The following ZPBP variants were observed in gnomAD, a reference collection of about 807,000 sequenced individuals.
ZPBP encodes zona pellucida-binding protein 1.
A neutral mutation model predicts 44.8 loss-of-function variants in ZPBP; 26 were observed. The observed-to-expected ratio is 0.58, with a 90% CI of 0.43 to 0.81. The LOEUF is 0.81. ZPBP is among the 30% of genes least tolerant of loss of function. ZPBP has a pLI of 0.00. For synonymous variants in ZPBP, 174 were observed against 153.2 expected, an observed-to-expected ratio of 1.14 and a Z score of -1.00; for missense variants, 409 against 434.0, an observed-to-expected ratio of 0.94 and a Z score of 0.51.
chr7:50,002,716 AG>A (rs954459185), intron 6 of ZPBP, among the ~76,000 whole-genome samples: 1 of 152,198 alleles, frequency 6.6e-6, no homozygotes. Flanking sequence ...CTTAGAAGTA[AG>A]GAATAATTAG....
intron 3 of ZPBP, among the ~76,000 whole-genome samples, chr7:50,067,378 G>A (rs954802156): frequency 1.3e-5 from 2 of 151,938 alleles, no homozygotes; most frequent in Non-Finnish European, 2.9e-5. Flanking sequence ...TCATGAACAT[G>A]CAAAGCAGCA....
intron 6 of ZPBP, among the ~76,000 whole-genome samples, chr7:50,011,458 C>G (rs1290296787): frequency 6.6e-6 from 1 of 152,138 alleles, no homozygotes; most frequent in Admixed American, 6.6e-5. Flanking sequence ...AAAATATTTA[C>G]TATGTGGTCC....
chr7:49,957,229 T>C (rs935794289), intron 7 of ZPBP, among the ~76,000 whole-genome samples: 3 of 152,236 alleles, frequency 2.0e-5, no homozygotes, highest in Non-Finnish European at 2.9e-5. Flanking sequence ...TTCTGTTCTT[T>C]ATAAATTACA....
chr7:50,021,553 A>G (rs1799092308), intron 5 of ZPBP, among the ~76,000 whole-genome samples: 1 of 152,142 alleles, frequency 6.6e-6, no homozygotes, highest in Non-Finnish European at 1.5e-5. Context: ...ACCACCATAT[A>G]CATGATGGGA....
At chr7:50,033,517 G>A (rs1005964546) in intron 4 of ZPBP, among the ~76,000 whole-genome samples, 1 of 152,014 alleles carries the variant, frequency 6.6e-6, no homozygotes, top group African/African-American at 2.4e-5. Context: ...GGGACTTCAA[G>A]AAAAGAATTC....
In ZPBP at chr7:49,949,170, G is replaced by C. The variant is rs1425452015; in HGVS notation, c.962-11548C>G. On this transcript the variant is annotated intron_variant, in intron 7 of 7. Coordinates refer to ENST00000046087, the MANE Select transcript of ZPBP (RefSeq NM_007009.3). Reference sequence around the variant, plus strand: ...GAAGGTGGCTGTCTGAAATCAAGAAGAGAGCCCTCTCCAGAAACTGATCTT... The same window carrying C: ...GAAGGTGGCTGTCTGAAATCAAGAACAGAGCCCTCTCCAGAAACTGATCTT... Among the ~76,000 whole-genome samples, 36 of 152,130 alleles carry C rather than the reference G, an allele frequency of 2.4e-4. 1 individual carries two copies. The highest frequency in any genetic ancestry group is 4.7e-4 in the Non-Finnish European group (32 of 67,998).
intron 2 of ZPBP, among the ~76,000 whole-genome samples, chr7:49,887,658 C>T (rs1237825802): frequency 2.0e-5 from 3 of 148,130 alleles, no homozygotes; most frequent in Non-Finnish European, 4.4e-5. Flanking sequence ...TAAAATAAGC[C>T]CTTCTAAAAT....
chr7:49,909,734 A>T (rs1323950138), intron 1 of ZPBP, among the ~76,000 whole-genome samples: 1 of 152,138 alleles, frequency 6.6e-6, no homozygotes, highest in Non-Finnish European at 1.5e-5. Context: ...CAGATGAATG[A>T]TTGTTGGGTT....
chr7:50,078,806 CTA>C (rs1802227620), intron 3 of ZPBP, among the ~76,000 whole-genome samples: 2 of 151,526 alleles, frequency 1.3e-5, no homozygotes, highest in South Asian at 4.2e-4. Context: ...TGTTTGCAAA[CTA>C]TGCCTCCCAT....
chr7:49,896,627 C>T (rs1792395538), intron 2 of ZPBP, among the ~76,000 whole-genome samples: 1 of 151,600 alleles, frequency 6.6e-6, no homozygotes, highest in Non-Finnish European at 1.5e-5. Flanking sequence ...AAAAGATCAA[C>T]AATTAAACAC....
At chr7:49,981,301 ATATAATTATATATTATATAATATATAT>A (rs1562818915) in intron 7 of ZPBP, among the ~76,000 whole-genome samples, 9 of 61,494 alleles carry the variant, frequency 1.5e-4, no homozygotes, top group Non-Finnish European at 3.0e-4. Context: ...TATATATTAT[ATATAATTATATATTATATAATATATAT>A]TATAATTATA....
the ZPBP span, among the ~76,000 whole-genome samples, chr7:49,840,935 T>G: frequency 6.6e-6 from 1 of 152,178 alleles, no homozygotes; most frequent in Non-Finnish European, 1.5e-5. Flanking sequence ...TGGGTTAACA[T>G]GAGTGACTTG....
chr7:49,842,024 G>A, the ZPBP span, among the ~76,000 whole-genome samples: 2 of 152,032 alleles, frequency 1.3e-5, no homozygotes, highest in Non-Finnish European at 2.9e-5. Flanking sequence ...TCGCCACCAC[G>A]CCCAGCTAAC....
rs536739577 is a variant in ZPBP, at chr7:50,082,732, A to G, written c.209-833T>C. Among the ~76,000 whole-genome samples the G allele has an allele frequency of 7.9e-5, 12 of 151,992 alleles. No homozygotes were observed. The East Asian group carries it at 2.3e-3, about 29-fold the overall frequency. ...TTAGGTACATACCCTTCCACAGGTTAAGAAAGATCCCCTCTGTTCTTGGTT... is the reference window on the plus strand; with the variant it reads ...TTAGGTACATACCCTTCCACAGGTTGAGAAAGATCCCCTCTGTTCTTGGTT... On this transcript the variant is annotated intron_variant, in intron 2 of 7. Coordinates refer to ENST00000046087, the MANE Select transcript of ZPBP (RefSeq NM_007009.3).
chr7:50,058,053 G>A lies in ZPBP; in HGVS notation c.423C>T (p.Phe141=). ...CTTCCACAGTAGGTTTATATTCGAGGAAACATGTATAAATTCCACTCATAC... is the reference window on the plus strand; with the variant it reads ...CTTCCACAGTAGGTTTATATTCGAGAAAACATGTATAAATTCCACTCATAC... The part of the protein sequence containing the change: ...EESMSGIYTC[F]LEYKPTVEEI... Residue 141 remains phenylalanine, a synonymous_variant, in exon 4 of 8, where the codon TTC becomes TTT. Coordinates refer to ENST00000046087, the MANE Select transcript of ZPBP (RefSeq NM_007009.3). 3 of 1,613,432 alleles carry A rather than the reference G, an allele frequency of 1.9e-6. No individual in the cohort carries two copies. The highest frequency in any genetic ancestry group is 4.5e-5 in the East Asian group (2 of 44,846).
At chr7:49,918,087 C>A (rs1670664018) in intron 1 of ZPBP, 1 of 152,156 alleles carries the variant, frequency 6.6e-6, no homozygotes. Context: ...GAATGTATAT[C>A]ATCGGCCAAA....
intron 6 of ZPBP, among the ~76,000 whole-genome samples, chr7:50,004,609 A>C (rs1479018675): frequency 6.6e-6 from 1 of 152,140 alleles, no homozygotes; most frequent in Non-Finnish European, 1.5e-5. Flanking sequence ...AGAAATAATA[A>C]AACCAAACAG....
At chr7:50,054,651 G>A (rs1800847404) in intron 4 of ZPBP, among the ~76,000 whole-genome samples, 1 of 151,868 alleles carries the variant, frequency 6.6e-6, no homozygotes, top group African/African-American at 2.4e-5. Flanking sequence ...TCCAGGTAAT[G>A]GTGAATATCT....
chr7:50,004,985 G>A (rs964948849), intron 6 of ZPBP, among the ~76,000 whole-genome samples: 44 of 150,944 alleles, frequency 2.9e-4, no homozygotes, highest in Middle Eastern at 3.4e-3. Context: ...TTAAAGATAC[G>A]ATATAAGCAG....
Sources: gnomAD v4.1 joint callset for allele counts (sites outside exome capture counted in the v4.1 genomes callset) on GRCh38, gnomAD v4.1.1 for gene constraint, MANE v1.5 for transcripts, NCBI Gene and HGNC (gene_info 2026-07-23, HGNC 2026-07-21) for gene names.